EFCAB6: variants seen among roughly 807,000 people sequenced by gnomAD.
EFCAB6 encodes EF-hand calcium binding domain 6, also known as EF-hand calcium-binding domain-containing protein 6.
Under a neutral mutation model 169.8 loss-of-function variants are expected in EFCAB6, and 156 were observed. The ratio of observed to expected loss-of-function variants is 0.92; its 90% CI spans 0.81 to 1.05. The LOEUF (loss-of-function observed/expected upper bound fraction) is 1.05, where lower values mean the gene tolerates loss of function less well. Ranked by LOEUF, EFCAB6 falls within the 50% of genes least tolerant of loss-of-function variation. EFCAB6 has a pLI of 0.00. For synonymous variants in EFCAB6, 698 were observed against 676.4 expected (o/e 1.03, Z -0.50); for missense variants, 1,800 against 1,829.1 (o/e 0.98, Z 0.29).
At chr22:43,571,223 ACT>A (rs2049853829) in intron 26 of EFCAB6, among the ~76,000 whole-genome samples, 1 of 151,962 alleles carries the variant, frequency 6.6e-6, no homozygotes. Flanking sequence ...TGTCATCTTT[ACT>A]CTCTGTGTGC....
chr22:43,535,100 T>G, intron 29 of EFCAB6: 1 of 529,142 alleles, frequency 1.9e-6, no homozygotes, highest in South Asian at 2.4e-5. Context: ...CTGTCCTGGG[T>G]TTGCATGGTC....
At chr22:43,557,892 C>A (rs892428933) in intron 26 of EFCAB6, among the ~76,000 whole-genome samples, 7 of 152,182 alleles carry the variant, frequency 4.6e-5, no homozygotes, top group African/African-American at 1.4e-4. Flanking sequence ...GTGAAGGCCA[C>A]ATGTCAACAG....
rs943720447 is a variant in EFCAB6 at position 43,549,449 on chromosome 22, A to T, written c.3648+5420T>A. On this transcript the variant is annotated intron_variant, in intron 27 of 31. Coordinates refer to ENST00000262726, the MANE Select transcript of EFCAB6 (RefSeq NM_022785.4). Reference sequence around the variant, plus strand: ...AATTTGAAAACTTGGAGAAAAATGGACAGATTCCTGTAGAAAAGATAAGTC... The same window carrying T: ...AATTTGAAAACTTGGAGAAAAATGGTCAGATTCCTGTAGAAAAGATAAGTC... 2.0e-4 allele frequency among the ~76,000 whole-genome samples: 30 copies of T among 152,348 alleles called. No individual in the cohort carries two copies. The East Asian group carries it at 2.3e-3, about 12-fold the overall frequency.
In EFCAB6 at chr22:43,628,207, G is replaced by A. The variant is rs1050344953; in HGVS notation, c.2233-1528C>T. On this transcript the variant is annotated intron_variant, in intron 19 of 31. Transcript: ENST00000262726. The surrounding 1 kb of genome is among the most constrained non-coding windows in gnomAD (Gnocchi z 4.8). ...CCTGTCCCCACCCTACTCCTCCTAA[G>A]TCTTCCCATCTCAGTAAGTGGAGCT... Among the ~76,000 whole-genome samples, 2 of 152,024 alleles carry A rather than the reference G, an allele frequency of 1.3e-5. No homozygotes were observed. Among genetic ancestry groups the A allele is most frequent in the African/African-American group, 4.8e-5 (2 of 41,372 alleles).
chr22:43,800,303 C>T (rs9614274), intron 2 of EFCAB6, among the ~76,000 whole-genome samples: 5,008 of 152,182 alleles, frequency 0.033, 113 homozygotes, highest in Middle Eastern at 0.054. Context: ...ACAACTACAG[C>T]GGAAAAGGAG....
In EFCAB6 at chr22:43,628,913, G is replaced by C. The variant is rs540745086; in HGVS notation, c.2233-2234C>G. ...TGATCTGTTCCCTGTTGCAGCTCCAGCTCTCCGAGCCATGCTCACCATAAC... is the reference window on the plus strand; with the variant it reads ...TGATCTGTTCCCTGTTGCAGCTCCACCTCTCCGAGCCATGCTCACCATAAC... On this transcript the variant is annotated intron_variant, in intron 19 of 31. Coordinates refer to ENST00000262726, the MANE Select transcript of EFCAB6 (RefSeq NM_022785.4). The surrounding 1 kb of genome is among the most constrained non-coding windows in gnomAD (Gnocchi z 4.8). 1.3e-5 allele frequency among the ~76,000 whole-genome samples: 2 copies of C among 152,268 alleles called. No homozygotes were observed. Among genetic ancestry groups the C allele is most frequent in the African/African-American group, 4.8e-5 (2 of 41,554 alleles).
At chr22:43,650,033 T>TCTTAA (rs1380714781) in intron 17 of EFCAB6, among the ~76,000 whole-genome samples, 1 of 152,186 alleles carries the variant, frequency 6.6e-6, no homozygotes, top group African/African-American at 2.4e-5. Flanking sequence ...TTTGGTGAAT[T>TCTTAA]CTTAAGCTGT....
At chr22:43,555,170 G>C in intron 26 of EFCAB6, 74 bp from the exon 27 acceptor site, 5 of 1,514,280 alleles carry the variant, frequency 3.3e-6, no homozygotes, top group Non-Finnish European at 4.5e-6. Flanking sequence ...TCCTCACCCA[G>C]GGCAAGTTGC....
intron 3 of EFCAB6, among the ~76,000 whole-genome samples, chr22:43,779,393 T>C (rs1375908729): frequency 6.6e-6 from 1 of 152,252 alleles, no homozygotes; most frequent in Non-Finnish European, 1.5e-5. Flanking sequence ...CTGCTGATGA[T>C]ACCCTCTTGT....
chr22:43,646,759 A>C (rs2056183795), intron 17 of EFCAB6, among the ~76,000 whole-genome samples: 1 of 152,256 alleles, frequency 6.6e-6, no homozygotes, highest in South Asian at 2.1e-4. Flanking sequence ...ATGCAAATTA[A>C]AGTAATGACT....
intron 24 of EFCAB6, among the ~76,000 whole-genome samples, chr22:43,587,163 T>G (rs753538787): frequency 9.2e-5 from 14 of 152,158 alleles, no homozygotes; most frequent in Non-Finnish European, 1.8e-4. Flanking sequence ...CCCAGACCTC[T>G]TGCCAGACTT....
chr22:43,558,524 GT>G (rs2048840524), intron 26 of EFCAB6, among the ~76,000 whole-genome samples: 1 of 152,084 alleles, frequency 6.6e-6, no homozygotes, highest in Non-Finnish European at 1.5e-5. Context: ...TTTTTCCAAA[GT>G]ATGTGCTCAT....
At chr22:43,539,984 C>G in intron 28 of EFCAB6, 143 bp downstream of exon 28, 1 of 848,888 alleles carries the variant, frequency 1.2e-6, no homozygotes, top group East Asian at 2.7e-5. Flanking sequence ...CAGTGGGATC[C>G]TTGCATGTGC....
chr22:43,690,193 C>T (rs1416184726), intron 10 of EFCAB6, among the ~76,000 whole-genome samples: 1 of 152,070 alleles, frequency 6.6e-6, no homozygotes, highest in Non-Finnish European at 1.5e-5. Flanking sequence ...CTCTACCAGC[C>T]TGATCTTTTA....
chr22:43,791,806 G>C lies in EFCAB6; in HGVS notation c.-7-9481C>G, dbSNP rs146362796. Among the ~76,000 whole-genome samples, 665 of 152,276 alleles carry C rather than the reference G, an allele frequency of 4.4e-3. 8 individuals are homozygous for C. Among genetic ancestry groups the C allele is most frequent in the African/African-American group, 0.015 (639 of 41,554 alleles). On this transcript the variant is annotated intron_variant, in intron 2 of 31. Coordinates refer to ENST00000262726, the MANE Select transcript of EFCAB6 (RefSeq NM_022785.4). ...TCAAAGAACTCTGCTGTAATGGGGA[G>C]AAACAGTAGAGCTGAGAGACAGTGT...
chr22:43,531,054 G>T, intron 30 of EFCAB6, 90 bp from the exon 31 acceptor site: 1 of 1,550,550 alleles, frequency 6.4e-7, no homozygotes, highest in Non-Finnish European at 8.8e-7. Context: ...GCCTCGCCCA[G>T]CCCTGCTCCG....
chr22:43,779,744 AAAC>A (rs1050471432), intron 3 of EFCAB6, among the ~76,000 whole-genome samples: 3 of 152,194 alleles, frequency 2.0e-5, no homozygotes, highest in African/African-American at 7.2e-5. Context: ...CGCCTCAATA[AAAC>A]AACAAGAAAA....
rs1413564003 is a variant in EFCAB6, at chr22:43,584,168, AGC to A, written c.3033-3511_3033-3510del. On this transcript the variant is annotated intron_variant, in intron 24 of 31. Coordinates refer to ENST00000262726, the MANE Select transcript of EFCAB6 (RefSeq NM_022785.4). ...CTATCCAAAGGAAAAATCAAAGTGT[AGC>A]TGCCAAAAGCTGGACATGGAAGGAG... Among the ~76,000 whole-genome samples the A allele has an allele frequency of 2.0e-5, 3 of 152,350 alleles. No individual in the cohort carries two copies. The East Asian group carries it at 5.8e-4, about 29-fold the overall frequency.
intron 26 of EFCAB6, among the ~76,000 whole-genome samples, chr22:43,567,369 C>T (rs1470650667): frequency 6.6e-6 from 1 of 152,192 alleles, no homozygotes; most frequent in Non-Finnish European, 1.5e-5. Context: ...TTTATAAAAA[C>T]TATTAAAATA....
Sources: gnomAD v4.1 joint callset for allele counts (sites outside exome capture counted in the v4.1 genomes callset) on GRCh38, gnomAD v4.1.1 for gene constraint, Gnocchi (gnomAD v3.1) non-coding constraint, MANE v1.5 for transcripts, NCBI Gene and HGNC (gene_info 2026-07-23, HGNC 2026-07-21) for gene names.